DLG2: variants seen among roughly 807,000 people sequenced by gnomAD.
DLG2 encodes discs large MAGUK scaffold protein 2.
Under a neutral mutation model 132.5 loss-of-function variants are expected in DLG2, and 45 were observed. The observed-to-expected ratio is 0.34, with a 90% CI of 0.27 to 0.44. DLG2 has a LOEUF of 0.44. DLG2 is among the 20% of genes least tolerant of loss of function. DLG2 has a pLI of 1.00. For missense variants in DLG2, 1,045 were observed against 1,196.9 expected (o/e 0.87, Z 1.87); for synonymous variants, 424 against 419.6 (o/e 1.01, Z -0.13).
chr11:84,410,651 C>T (rs2098896550), intron 7 of DLG2, among the ~76,000 whole-genome samples: 1 of 140,558 alleles, frequency 7.1e-6, no homozygotes, highest in South Asian at 2.3e-4. Context: ...GTGATCTGAG[C>T]TCACTGCAAC....
intron 17 of DLG2, chr11:83,814,472 T>A (rs2048282105): frequency 4.7e-6 from 1 of 213,052 alleles, no homozygotes; most frequent in Admixed American, 4.2e-5. Context: ...CTTGAGCTTC[T>A]TCTGAATTCC....
chr11:84,450,770 A>G (rs1229831349), intron 7 of DLG2, among the ~76,000 whole-genome samples: 1 of 151,368 alleles, frequency 6.6e-6, no homozygotes, highest in African/African-American at 2.4e-5. Context: ...TAATACATCT[A>G]TTTTTCATGG....
chr11:84,584,422 A>T (rs996517805), intron 6 of DLG2, among the ~76,000 whole-genome samples: 1 of 151,884 alleles, frequency 6.6e-6, no homozygotes, highest in African/African-American at 2.4e-5. Context: ...TCATAGCTCA[A>T]TATAATCTCA....
intron 11 of DLG2, among the ~76,000 whole-genome samples, chr11:84,040,717 T>C (rs1287113880): frequency 2.0e-5 from 3 of 150,392 alleles, no homozygotes; most frequent in African/African-American, 7.3e-5. Flanking sequence ...CTTTTTTGGT[T>C]CCATATGAAC....
intron 3 of DLG2, among the ~76,000 whole-genome samples, chr11:85,344,352 CA>C (rs1565352934): frequency 1.3e-5 from 2 of 152,112 alleles, no homozygotes; most frequent in African/African-American, 4.8e-5. Flanking sequence ...ATTGCCATCT[CA>C]AAAACTCGAG....
chr11:84,794,444 G>C (rs1404606363), intron 6 of DLG2, among the ~76,000 whole-genome samples: 2 of 152,188 alleles, frequency 1.3e-5, no homozygotes, highest in Non-Finnish European at 1.5e-5. Context: ...AACTCCTTCC[G>C]AGTTGGCAGA....
chr11:83,552,718 A>G (rs1262683010), intron 19 of DLG2, among the ~76,000 whole-genome samples: 1 of 152,184 alleles, frequency 6.6e-6, no homozygotes, highest in Non-Finnish European at 1.5e-5. Context: ...CATGCACATG[A>G]GCTGGACCAC....
intron 4 of DLG2, among the ~76,000 whole-genome samples, chr11:85,193,210 T>G (rs1039694276): frequency 6.6e-6 from 1 of 152,186 alleles, no homozygotes; most frequent in Non-Finnish European, 1.5e-5. Context: ...TAGGATAATG[T>G]TTTCAAGCTT....
intron 6 of DLG2, among the ~76,000 whole-genome samples, chr11:84,746,024 T>C (rs986137030): frequency 5.3e-5 from 8 of 152,160 alleles, no homozygotes; most frequent in Admixed American, 2.0e-4. Context: ...ACTGACTGAC[T>C]ACTATGTGCC....
intron 4 of DLG2, among the ~76,000 whole-genome samples, chr11:85,198,997 A>C (rs72945968): frequency 0.043 from 6,519 of 152,254 alleles, 193 homozygotes; most frequent in East Asian, 0.094. Flanking sequence ...ACTTTGGAGA[A>C]CTAGTTGGCA....
intron 7 of DLG2, among the ~76,000 whole-genome samples, chr11:84,293,923 G>C (rs893390916): frequency 6.6e-6 from 1 of 151,976 alleles, no homozygotes; most frequent in African/African-American, 2.4e-5. Context: ...AAACAAAATG[G>C]GGAGGACATG....
At chr11:84,681,671 C>T (rs529448750) in intron 6 of DLG2, among the ~76,000 whole-genome samples, 4 of 152,034 alleles carry the variant, frequency 2.6e-5, no homozygotes, top group Non-Finnish European at 5.9e-5. Context: ...ATGAGACAAT[C>T]CATCTGCAGT....
rs188514414 is a variant in DLG2, at chr11:85,397,790, G to A, written c.41-112425C>T. Among the ~76,000 whole-genome samples the A allele has an allele frequency of 1.4e-4, 21 of 152,212 alleles. 1 individual carries two copies. The highest frequency in any genetic ancestry group is 4.1e-4 in the African/African-American group (17 of 41,544). ...CAGATTCATAAAGCAAGTCATCAGAGACCTACAAAGAGTCTTAGACTCCCA... is the reference window on the plus strand; with the variant it reads ...CAGATTCATAAAGCAAGTCATCAGAAACCTACAAAGAGTCTTAGACTCCCA... On this transcript the variant is annotated intron_variant, in intron 3 of 27. Transcript: ENST00000376104.
intron 6 of DLG2, among the ~76,000 whole-genome samples, chr11:85,085,031 A>G (rs1224319546): frequency 6.6e-6 from 1 of 152,168 alleles, no homozygotes; most frequent in Non-Finnish European, 1.5e-5. Context: ...CACACTTTGT[A>G]TATCTACCTC....
chr11:84,184,593 T>C (rs900288333), intron 8 of DLG2, among the ~76,000 whole-genome samples: 1 of 152,220 alleles, frequency 6.6e-6, no homozygotes, highest in Non-Finnish European at 1.5e-5. Flanking sequence ...CATTTGTCAA[T>C]TCTGGCTTTT....
At chr11:83,510,091 T>C (rs1255348592) in intron 21 of DLG2, among the ~76,000 whole-genome samples, 1 of 152,198 alleles carries the variant, frequency 6.6e-6, no homozygotes, top group Non-Finnish European at 1.5e-5. Flanking sequence ...AAGTCACTTT[T>C]GCTCCCTGAA....
intron 6 of DLG2, among the ~76,000 whole-genome samples, chr11:84,701,915 C>T (rs1313341362): frequency 3.3e-5 from 5 of 151,444 alleles, no homozygotes; most frequent in Non-Finnish European, 7.4e-5. Context: ...CTCTATGTTT[C>T]CCCCTTTCTG....
chr11:85,610,902 G>A (rs764127905), intron 2 of DLG2, among the ~76,000 whole-genome samples: 9 of 152,122 alleles, frequency 5.9e-5, no homozygotes, highest in East Asian at 1.9e-4. Context: ...ATGGATCCCC[G>A]GATACAGCGA....
At chr11:84,236,991 T>C (rs2097166785) in intron 8 of DLG2, among the ~76,000 whole-genome samples, 1 of 150,532 alleles carries the variant, frequency 6.6e-6, no homozygotes, top group Admixed American at 6.6e-5. Context: ...TGCAGTGGCA[T>C]CATCTCGGCT....
Sources: gnomAD v4.1 joint callset for allele counts (sites outside exome capture counted in the v4.1 genomes callset) on GRCh38, gnomAD v4.1.1 for gene constraint, MANE v1.5 for transcripts, NCBI Gene and HGNC (gene_info 2026-07-23, HGNC 2026-07-21) for gene names.